The following GLMN variants were observed in gnomAD, a reference collection of about 807,000 sequenced individuals.
The protein encoded by GLMN is glomulin, FKBP associated protein.
GLMN carries 75 observed loss-of-function variants against 87.8 expected under a neutral mutation model. That is an observed-to-expected ratio of 0.85 (90% confidence interval 0.71 to 1.04). The LOEUF (loss-of-function observed/expected upper bound fraction) is 1.04. Ranked by LOEUF, GLMN falls within the 50% of genes least tolerant of loss-of-function variation. The probability of loss-of-function intolerance (pLI) is 0.00; values close to 1 mark genes in which losing one functional copy is unlikely to be tolerated. For missense variants in GLMN, 588 were observed against 658.8 expected (o/e 0.89, Z 1.18); for synonymous variants, 206 against 221.6 (o/e 0.93, Z 0.63).
chr1:92,336,878 T>G, the GLMN span, among the ~76,000 whole-genome samples: 3 of 152,100 alleles, frequency 2.0e-5, no homozygotes, highest in Non-Finnish European at 4.4e-5. Flanking sequence ...AATATTGAAT[T>G]ACACAGAACA....
the GLMN span, among the ~76,000 whole-genome samples, chr1:92,317,133 A>T: frequency 2.6e-4 from 39 of 152,332 alleles, 1 homozygote; most frequent in South Asian, 5.8e-3. Context: ...GCCTAATTCG[A>T]ATCCTAGATT....
intron 7 of GLMN, among the ~76,000 whole-genome samples, chr1:92,281,113 G>A (rs1647990280): frequency 6.6e-6 from 1 of 152,122 alleles, no homozygotes; most frequent in Non-Finnish European, 1.5e-5. Context: ...AGGAAATACA[G>A]AGAACACCAC....
At chr1:92,259,732 C>CTTTTCTTTCT (rs1654761229) in intron 16 of GLMN, among the ~76,000 whole-genome samples, 1 of 108,192 alleles carries the variant, frequency 9.2e-6, no homozygotes, top group Non-Finnish European at 1.8e-5. Flanking sequence ...TTTTTTCTTT[C>CTTTTCTTTCT]TTTTTTTTTT....
chr1:92,350,483 T>C, the GLMN span, among the ~76,000 whole-genome samples: 1 of 152,258 alleles, frequency 6.6e-6, no homozygotes, highest in South Asian at 2.1e-4. Context: ...TATCAGACTT[T>C]ACTCTTAGAT....
At chr1:92,301,538 T>C (rs1226312646), upstream of GLMN, 3 of 1,594,342 alleles carry the variant, frequency 1.9e-6, no homozygotes, top group South Asian at 1.1e-5. Context: ...GCTCTACATA[T>C]TGTTGAACAG....
At chr1:92,259,946 A>G (rs1654809551) in intron 16 of GLMN, among the ~76,000 whole-genome samples, 1 of 151,990 alleles carries the variant, frequency 6.6e-6, no homozygotes, top group Non-Finnish European at 1.5e-5. Context: ...TGTGTTAGCC[A>G]GGATGGTCTT....
rs1649094660 is a variant in GLMN at position 92,288,987 on chromosome 1, A to T, written c.559T>A (p.Phe187Ile). ...TTGTTATCAATGACTTCTTCCACAA[A>T]AGGCTTAGTGAACTCTATTAAGGCC... ...CKALIEFTKP[F>I]VEEVIDNKEN... Residue 187 changes from phenylalanine to isoleucine, a missense_variant, in exon 6 of 19, where the codon TTT becomes ATT. Transcript: ENST00000370360. 7 of 1,612,928 alleles carry T rather than the reference A, an allele frequency of 4.3e-6. No individual in the cohort carries two copies. The highest frequency in any genetic ancestry group is 1.7e-5 in the Admixed American group (1 of 59,994).
intron 16 of GLMN, among the ~76,000 whole-genome samples, chr1:92,261,852 A>ACAGAGGGTGGAGTGATAGG (rs1655096811): frequency 6.6e-6 from 1 of 152,180 alleles, no homozygotes; most frequent in African/African-American, 2.4e-5. Context: ...GGAGTGATAG[A>ACAGAGGGTGGAGTGATAGG]TACATGATGA....
rs1047123621 is a variant in GLMN, at chr1:92,292,737, T to C, written c.166-1200A>G. ...CGCACCCCGTCTTTTCTTTTCTTTT[T>C]TTTTTTTTTTTTAAGCATGGTGGCT... On this transcript the variant is annotated intron_variant, in intron 3 of 18. Transcript: ENST00000370360. Among the ~76,000 whole-genome samples, 65 of 148,026 alleles carry C rather than the reference T, an allele frequency of 4.4e-4. 1 individual carries two copies. Among genetic ancestry groups the C allele is most frequent in the African/African-American group, 9.8e-4 (40 of 40,850 alleles).
chr1:92,312,790 T>G, the GLMN span, among the ~76,000 whole-genome samples: 5 of 151,468 alleles, frequency 3.3e-5, no homozygotes, highest in African/African-American at 4.8e-5. Context: ...TTTGGCCTCC[T>G]CCCATGAATC....
chr1:92,331,545 A>C, the GLMN span, among the ~76,000 whole-genome samples: 1 of 152,148 alleles, frequency 6.6e-6, no homozygotes, highest in African/African-American at 2.4e-5. Flanking sequence ...TCTTTGTCTT[A>C]TTAAAGTCTA....
chr1:92,339,204 A>C, the GLMN span, among the ~76,000 whole-genome samples: 2 of 152,112 alleles, frequency 1.3e-5, no homozygotes, highest in African/African-American at 4.8e-5. Context: ...CTTTAGGAAA[A>C]AAATGTTAGG....
In GLMN at chr1:92,263,687, G is replaced by A. The variant is rs773208101; in HGVS notation, c.1345C>T (p.Leu449Phe). 1 of 1,604,966 alleles carries A rather than the reference G, an allele frequency of 6.2e-7. No individual in the cohort carries two copies. Among genetic ancestry groups the A allele is most frequent in the Non-Finnish European group, 8.5e-7 (1 of 1,171,654 alleles). Residue 449 changes from leucine to phenylalanine, a missense_variant, in exon 15 of 19, where the codon CTT (leucine) becomes TTT (phenylalanine). Coordinates refer to ENST00000370360, the MANE Select transcript of GLMN (RefSeq NM_053274.3). ...KWFTGPQLIS[L>F]LDLVLFLPEG... ...GGGAGAAAAAGTACCAAATCAAGAA[G>A]GGAAATCAACTGTGGTCCTGTAAAC...
intron 3 of GLMN, among the ~76,000 whole-genome samples, chr1:92,292,529 GC>G (rs1202014286): frequency 1.3e-5 from 2 of 150,746 alleles, no homozygotes; most frequent in African/African-American, 4.9e-5. Context: ...TCCTGTCTCA[GC>G]CCCCCAAGTA....
chr1:92,301,514 A>C, upstream of GLMN: 1 of 1,595,886 alleles, frequency 6.3e-7, no homozygotes, highest in Non-Finnish European at 8.5e-7. Context: ...AAGAAGATTG[A>C]ATTTGAGAGA....
At chr1:92,333,692 G>C in the GLMN span, among the ~76,000 whole-genome samples, 1 of 152,076 alleles carries the variant, frequency 6.6e-6, no homozygotes, top group Non-Finnish European at 1.5e-5. Context: ...ATCATAAAGA[G>C]GAAGGTTGAG....
intron 16 of GLMN, among the ~76,000 whole-genome samples, chr1:92,257,892 CAAA>C (rs1388498446): frequency 6.6e-6 from 1 of 152,064 alleles, no homozygotes; most frequent in Non-Finnish European, 1.5e-5. Context: ...GAAATGGCAA[CAAA>C]AGCCAAAATG....
the GLMN span, among the ~76,000 whole-genome samples, chr1:92,336,960 T>G: frequency 6.6e-6 from 1 of 152,140 alleles, no homozygotes; most frequent in East Asian, 1.9e-4. Context: ...GAAACTGTTG[T>G]GATTTTTCCT....
the GLMN span, chr1:92,333,446 G>A: frequency 1.2e-6 from 2 of 1,613,384 alleles, no homozygotes; most frequent in South Asian, 1.1e-5. Context: ...ATTAGAAAAC[G>A]CATCGTACTT....
Sources: gnomAD v4.1 joint callset for allele counts (sites outside exome capture counted in the v4.1 genomes callset) on GRCh38, gnomAD v4.1.1 for gene constraint, MANE v1.5 for transcripts, NCBI Gene and HGNC (gene_info 2026-07-23, HGNC 2026-07-21) for gene names.